SLC24A3: variants seen among roughly 807,000 people sequenced by gnomAD.
SLC24A3 encodes solute carrier family 24 member 3.
Under a neutral mutation model 75.8 loss-of-function variants are expected in SLC24A3, and 28 were observed. The ratio of observed to expected loss-of-function variants is 0.37; its 90% confidence interval spans 0.27 to 0.51. The LOEUF (loss-of-function observed/expected upper bound fraction) is 0.51, where lower values mean the gene tolerates loss of function less well. Among genes scored for constraint, SLC24A3 ranks in the 20% least tolerant of loss-of-function variants. The pLI, the probability that SLC24A3 is intolerant of heterozygous loss-of-function variation, is 0.94. For missense variants in SLC24A3, 663 were observed against 847.8 expected, an observed-to-expected ratio of 0.78 and a Z score of 2.71; for synonymous variants, 372 against 334.1, an observed-to-expected ratio of 1.11 and a Z score of -1.24.
chr20:19,485,027 G>T (rs1425762466), intron 2 of SLC24A3, among the ~76,000 whole-genome samples: 2 of 152,200 alleles, frequency 1.3e-5, no homozygotes, highest in Non-Finnish European at 2.9e-5. Flanking sequence ...AATTAAATGT[G>T]TTGGCAATAG....
chr20:19,293,140 C>T lies in SLC24A3; in HGVS notation c.271+12053C>T, dbSNP rs141510260. 1.5e-3 allele frequency among the ~76,000 whole-genome samples: 231 copies of T among 152,274 alleles called. 3 individuals are homozygous for T. The highest frequency in any genetic ancestry group is 4.8e-3 in the African/African-American group (198 of 41,530). ...TGGGAGGCTGCCCTTTGGACAATATCTTTCCACATTCCAGCAACACAGTTT... is the reference window on the plus strand; with the variant it reads ...TGGGAGGCTGCCCTTTGGACAATATTTTTCCACATTCCAGCAACACAGTTT... On this transcript the variant is annotated intron_variant, in intron 2 of 16. Transcript: ENST00000328041.
intron 6 of SLC24A3, among the ~76,000 whole-genome samples, chr20:19,619,829 G>A (rs2031781337): frequency 6.6e-6 from 1 of 152,232 alleles, no homozygotes; most frequent in South Asian, 2.1e-4. Flanking sequence ...AGAAGACCAA[G>A]TCTGATTATG....
intron 16 of SLC24A3, among the ~76,000 whole-genome samples, chr20:19,718,018 G>A (rs1005354996): frequency 5.9e-5 from 9 of 152,112 alleles, no homozygotes; most frequent in Admixed American, 2.0e-4. Flanking sequence ...CAGCCATTAC[G>A]CCCACTTGCG....
chr20:19,661,294 A>G (rs1020174975), intron 7 of SLC24A3, among the ~76,000 whole-genome samples: 5 of 152,064 alleles, frequency 3.3e-5, no homozygotes, highest in South Asian at 2.1e-4. Context: ...TGCAACCACA[A>G]CCTTCATCAA....
intron 1 of SLC24A3, among the ~76,000 whole-genome samples, chr20:19,228,537 C>G (rs547588640): frequency 6.6e-6 from 1 of 151,698 alleles, no homozygotes; most frequent in African/African-American, 2.4e-5. Flanking sequence ...CTCAGCTACT[C>G]GGGAGACTGA....
chr20:19,312,487 C>T (rs1472409912), intron 2 of SLC24A3, among the ~76,000 whole-genome samples: 2 of 152,176 alleles, frequency 1.3e-5, no homozygotes, highest in Admixed American at 1.3e-4. Flanking sequence ...TAAAATCATT[C>T]TCCACTTACC....
intron 6 of SLC24A3, among the ~76,000 whole-genome samples, chr20:19,609,299 C>T (rs1002966080): frequency 6.6e-6 from 1 of 151,592 alleles, no homozygotes; most frequent in African/African-American, 2.4e-5. Context: ...CATGGTTGCT[C>T]TTATAACCTG....
At chr20:19,631,125 C>T (rs1049338335) in intron 6 of SLC24A3, among the ~76,000 whole-genome samples, 6 of 152,104 alleles carry the variant, frequency 3.9e-5, no homozygotes, top group African/African-American at 1.2e-4. Context: ...GGACAGATCA[C>T]TTGAGCCCAG....
In SLC24A3 at chr20:19,587,740, T is replaced by A. The variant is rs76514693; in HGVS notation, c.612+2196T>A. Among the ~76,000 whole-genome samples, 959 of 152,344 alleles carry A rather than the reference T, an allele frequency of 6.3e-3. 3 individuals carry two copies. Among genetic ancestry groups the A allele is most frequent in the Middle Eastern group, 0.024 (7 of 294 alleles). On this transcript the variant is annotated intron_variant, in intron 6 of 16. Coordinates refer to ENST00000328041, the MANE Select transcript of SLC24A3 (RefSeq NM_020689.4). ...TGTGGAACCCTGGAGAAGTTACTTATGTTCTCAAAGCCTCATTTTTCTCAT... is the reference window on the plus strand; with the variant it reads ...TGTGGAACCCTGGAGAAGTTACTTAAGTTCTCAAAGCCTCATTTTTCTCAT...
chr20:19,360,410 C>T (rs958023417), intron 2 of SLC24A3, among the ~76,000 whole-genome samples: 3 of 152,236 alleles, frequency 2.0e-5, no homozygotes, highest in Non-Finnish European at 4.4e-5. Flanking sequence ...GTCCCTACAT[C>T]TTAACATGTG....
intron 2 of SLC24A3, among the ~76,000 whole-genome samples, chr20:19,508,785 A>T (rs1172906280): frequency 1.3e-5 from 2 of 152,218 alleles, no homozygotes; most frequent in African/African-American, 4.8e-5. Flanking sequence ...GTATTTGGGG[A>T]ATGACTCTCA....
At chr20:19,628,969 CAACAACA>C (rs1157222752) in intron 6 of SLC24A3, among the ~76,000 whole-genome samples, 7 of 151,604 alleles carry the variant, frequency 4.6e-5, no homozygotes, top group South Asian at 2.1e-4. Flanking sequence ...TACAAAACAA[CAACAACA>C]AACAAACAAA....
At chr20:19,572,229 C>G (rs1600285310) in intron 3 of SLC24A3, among the ~76,000 whole-genome samples, 1 of 152,146 alleles carries the variant, frequency 6.6e-6, no homozygotes, top group African/African-American at 2.4e-5. Flanking sequence ...GCCTGTAGCC[C>G]TAGCTACTCA....
intron 2 of SLC24A3, among the ~76,000 whole-genome samples, chr20:19,337,822 C>G (rs59306010): frequency 1.3e-5 from 2 of 152,056 alleles, no homozygotes; most frequent in Non-Finnish European, 2.9e-5. Context: ...GGGGCTGGCT[C>G]GATTAGGATG....
At chr20:19,647,689 T>C (rs765066598) in intron 6 of SLC24A3, among the ~76,000 whole-genome samples, 4 of 152,170 alleles carry the variant, frequency 2.6e-5, no homozygotes, top group Admixed American at 6.5e-5. Context: ...TGCACATAAT[T>C]TTGTGGATGA....
Position 19,712,991 on chromosome 20 carries a change from T to C in SLC24A3, c.1720-4537T>C, listed in dbSNP as rs199626399. Among the ~76,000 whole-genome samples the C allele has an allele frequency of 1.2e-4, 18 of 152,342 alleles. No individual in the cohort carries two copies. The East Asian group carries it at 3.3e-3, about 28-fold the overall frequency. On this transcript the variant is annotated intron_variant, in intron 15 of 16. Coordinates refer to ENST00000328041, the MANE Select transcript of SLC24A3 (RefSeq NM_020689.4). The stretch of plus-strand genomic sequence containing the variant: ...CTTACAGAAGGGCACCTGAGAACTT[T>C]CTGGAATGACAGAAGTGTTCTGAGC...
At chr20:19,685,615 T>G (rs2032667175) in intron 12 of SLC24A3, among the ~76,000 whole-genome samples, 1 of 152,156 alleles carries the variant, frequency 6.6e-6, no homozygotes. Context: ...TACTGAAATG[T>G]CAGGGATTTG....
rs536839487 is a variant in SLC24A3, at chr20:19,382,343, A to G, written c.271+101256A>G. On this transcript the variant is annotated intron_variant, in intron 2 of 16. Coordinates refer to ENST00000328041, the MANE Select transcript of SLC24A3 (RefSeq NM_020689.4). ...GACTCGATTACTGTTGATGATGATG[A>G]TCTGAGTAATTGAAGCTGTATCAGA... is the stretch of plus-strand genomic sequence containing the variant. 4.2e-4 allele frequency among the ~76,000 whole-genome samples: 64 copies of G among 152,346 alleles called. 1 individual carries two copies. The South Asian group carries it at 0.012, about 30-fold the overall frequency.
At chr20:19,230,019 A>T (rs935228329) in intron 1 of SLC24A3, among the ~76,000 whole-genome samples, 79 of 151,600 alleles carry the variant, frequency 5.2e-4, no homozygotes, top group Non-Finnish European at 9.0e-4. Context: ...TATTGAGATT[A>T]AAAAAAATGG....
Sources: allele counts gnomAD v4.1 joint callset (sites outside exome capture counted in the v4.1 genomes callset), GRCh38; gene constraint gnomAD v4.1.1; transcripts MANE v1.5; gene names NCBI Gene and HGNC (gene_info 2026-07-23, HGNC 2026-07-21).